The following AGBL1 variants were observed in gnomAD, a reference collection of about 807,000 sequenced individuals.
AGBL1 encodes the protein AGBL carboxypeptidase 1, also known as cytosolic carboxypeptidase 4.
In AGBL1, 130 loss-of-function variants were observed where a neutral mutation model predicts 118.9. The observed-to-expected ratio is 1.09, with a 90% CI of 0.95 to 1.26. AGBL1 has a LOEUF of 1.26. Among genes scored for constraint, AGBL1 ranks in the 50% most tolerant of loss-of-function variants. The pLI is 0.00. For synonymous variants in AGBL1, 555 were observed against 478.9 expected (o/e 1.16, Z -2.08); for missense variants, 1,584 against 1,298.1 (o/e 1.22, Z -3.38).
rs890383436 is a variant in AGBL1 at position 86,911,427 on chromosome 15, A to G, written c.*4133A>G. The G allele has an allele frequency of 6.6e-6, 1 of 152,214 alleles. No homozygotes were observed. The highest frequency in any genetic ancestry group is 2.4e-5 in the African/African-American group (1 of 41,460). The allele number at this position is 152,214 out of a possible 1,614,324, so 9.4% of individuals were successfully genotyped here. On this transcript the variant is annotated 3_prime_UTR_variant, in exon 23 of 23. Transcript: ENST00000614907. ...CCCCTTCGTAACACTTCCCTCTGGC[A>G]AGAGGCTTTGTGGCTTCACATTTCC... is the stretch of plus-strand genomic sequence containing the variant.
intron 21 of AGBL1, among the ~76,000 whole-genome samples, chr15:86,578,021 G>C (rs530787383): frequency 6.6e-6 from 1 of 152,276 alleles, no homozygotes; most frequent in East Asian, 1.9e-4. Context: ...GTAAAGCTGT[G>C]AGAAGAGGGC....
At chr15:86,684,416 A>C (rs1231708887) in intron 22 of AGBL1, among the ~76,000 whole-genome samples, 1 of 151,858 alleles carries the variant, frequency 6.6e-6, no homozygotes, top group Non-Finnish European at 1.5e-5. Context: ...CTGTCCTGTA[A>C]ATTTCCATGA....
chr15:86,449,066 A>G (rs2082161522), intron 18 of AGBL1, among the ~76,000 whole-genome samples: 1 of 152,190 alleles, frequency 6.6e-6, no homozygotes, highest in Admixed American at 6.5e-5. Flanking sequence ...ACAAAGCCCC[A>G]TAAAGAGTAT....
intron 6 of AGBL1, among the ~76,000 whole-genome samples, chr15:86,244,871 G>C (rs537805580): frequency 1.3e-5 from 2 of 152,194 alleles, no homozygotes; most frequent in South Asian, 4.1e-4. Context: ...TTAAACATCA[G>C]ATATTGAATA....
At chr15:86,108,156 A>T (rs1457725519) in intron 1 of AGBL1, among the ~76,000 whole-genome samples, 1 of 152,252 alleles carries the variant, frequency 6.6e-6, no homozygotes, top group Non-Finnish European at 1.5e-5. Flanking sequence ...TAAGGGGAAG[A>T]TACTAAAGAT....
intron 5 of AGBL1, among the ~76,000 whole-genome samples, chr15:86,217,585 C>A (rs1194632517): frequency 6.6e-6 from 1 of 152,094 alleles, no homozygotes; most frequent in Non-Finnish European, 1.5e-5. Flanking sequence ...GGGAGTCTTT[C>A]TACAGGAAAT....
chr15:86,096,486 CA>C (rs1896388954), intron 1 of AGBL1, among the ~76,000 whole-genome samples: 1 of 151,952 alleles, frequency 6.6e-6, no homozygotes, highest in Non-Finnish European at 1.5e-5. Context: ...TTTTACCTTT[CA>C]AAAAAATCCT....
chr15:86,930,788 A>G (rs2141634996), intron 23 of AGBL1, among the ~76,000 whole-genome samples: 1 of 152,280 alleles, frequency 6.6e-6, no homozygotes, highest in South Asian at 2.1e-4. Context: ...ATAAAGGAAA[A>G]TCTTGAGTTT....
chr15:86,820,295 A>G (rs1439466708), intron 22 of AGBL1, among the ~76,000 whole-genome samples: 1 of 152,230 alleles, frequency 6.6e-6, no homozygotes, highest in Non-Finnish European at 1.5e-5. Flanking sequence ...GACAAATGGG[A>G]ACCAATTAAA....
chr15:86,954,950 A>G (rs1311900700), intron 23 of AGBL1, among the ~76,000 whole-genome samples: 1 of 152,162 alleles, frequency 6.6e-6, no homozygotes, highest in East Asian at 1.9e-4. Context: ...GAGTTCACGT[A>G]TCTTTACTTA....
At chr15:87,003,520 TTC>T (rs1316941020) in intron 24 of AGBL1, among the ~76,000 whole-genome samples, 2 of 152,208 alleles carry the variant, frequency 1.3e-5, no homozygotes, top group African/African-American at 4.8e-5. Context: ...TTCCCTCTTT[TTC>T]TATTAATTGG....
At chr15:86,378,586 C>T (rs748099370) in intron 17 of AGBL1, among the ~76,000 whole-genome samples, 2 of 152,162 alleles carry the variant, frequency 1.3e-5, no homozygotes, top group African/African-American at 4.8e-5. Context: ...TTCACAGGGG[C>T]TTACAAATAG....
chr15:87,011,421 G>T (rs1567286236), intron 24 of AGBL1, among the ~76,000 whole-genome samples: 1 of 152,072 alleles, frequency 6.6e-6, no homozygotes, highest in African/African-American at 2.4e-5. Context: ...GGGAAAAGGG[G>T]GAATATTATG....
intron 5 of AGBL1, among the ~76,000 whole-genome samples, chr15:86,184,755 T>A (rs1382981925): frequency 1.3e-5 from 2 of 152,174 alleles, no homozygotes; most frequent in Non-Finnish European, 2.9e-5. Context: ...AAGCTACCAA[T>A]GACTTTCTTC....
At chr15:86,891,800 C>A (rs1375244884) in intron 22 of AGBL1, among the ~76,000 whole-genome samples, 1 of 152,120 alleles carries the variant, frequency 6.6e-6, no homozygotes, top group Non-Finnish European at 1.5e-5. Flanking sequence ...GCCAACCATG[C>A]ACACCAAAGC....
intron 3 of AGBL1, among the ~76,000 whole-genome samples, chr15:86,151,162 G>T (rs556125860): frequency 2.6e-5 from 4 of 151,490 alleles, no homozygotes; most frequent in Non-Finnish European, 5.9e-5. Flanking sequence ...GTGGGGTGGG[G>T]TGGGGGAGGG....
intron 22 of AGBL1, among the ~76,000 whole-genome samples, chr15:86,791,282 GTAT>G (rs1253723527): frequency 6.6e-6 from 1 of 152,176 alleles, no homozygotes; most frequent in African/African-American, 2.4e-5. Context: ...AATGTAGATA[GTAT>G]TATATATGAA....
In AGBL1 at chr15:86,715,151, C is replaced by T. The variant is rs147576468; in HGVS notation, c.3158+40715C>T. Among the ~76,000 whole-genome samples, 89 of 152,194 alleles carry T rather than the reference C, an allele frequency of 5.8e-4. 1 individual carries two copies. In the South Asian group the frequency reaches 7.5e-3, roughly 13 times the overall value. On this transcript the variant is annotated intron_variant, in intron 22 of 22. Coordinates refer to ENST00000614907, the MANE Select transcript of AGBL1 (RefSeq NM_001386094.1). ...CAGCAACTTCACTGATTTAAGCCTG[C>T]AAAGCTGAATGCTGAGAATGGAGTT...
intron 22 of AGBL1, among the ~76,000 whole-genome samples, chr15:86,799,677 A>AT (rs199707944): frequency 0.011 from 1,615 of 152,166 alleles, 23 homozygotes; most frequent in Middle Eastern, 0.061. Flanking sequence ...TTTCACTTCT[A>AT]TTTTTTTGTT....
Sources: allele counts gnomAD v4.1 joint callset (sites outside exome capture counted in the v4.1 genomes callset), GRCh38; gene constraint gnomAD v4.1.1; transcripts MANE v1.5; gene names NCBI Gene and HGNC (gene_info 2026-07-23, HGNC 2026-07-21).